Variants in RTEL1 observed in about 807,000 individuals in gnomAD.
RTEL1 encodes the protein regulator of telomere elongation helicase 1.
RTEL1 carries 86 observed loss-of-function variants against 162.2 expected under a neutral mutation model. The ratio of observed to expected loss-of-function variants is 0.53; its 90% CI spans 0.45 to 0.63. The LOEUF is 0.63. Among genes scored for constraint, RTEL1 ranks in the 30% least tolerant of loss-of-function variants. The probability of loss-of-function intolerance (pLI) is 0.00; values close to 1 mark genes in which losing one functional copy is unlikely to be tolerated. For synonymous variants in RTEL1, 958 were observed against 717.9 expected (o/e 1.33, Z -5.35); for missense variants, 1,941 against 1,750.2 (o/e 1.11, Z -1.95).
rs1277968500 is a variant in RTEL1 at position 63,661,278 on chromosome 20, T to C, written c.103-20T>C. On this transcript the variant is annotated intron_variant, in intron 2 of 34. Transcript: ENST00000360203. This position sits in a 1 kb window ranked among gnomAD's most constrained non-coding sequence, Gnocchi z 5.1. ...CCTCTTCCTGGCTTCCCCGTAACCC[T>C]TGCTCCGAACTCCGTTCAGAAGGTG... 2.5e-6 allele frequency: 4 copies of C among 1,608,864 alleles called. No homozygotes were observed.
chr20:63,679,354 CAG>C (rs1285259131), intron 12 of RTEL1, among the ~76,000 whole-genome samples: 9 of 152,190 alleles, frequency 5.9e-5, no homozygotes, highest in African/African-American at 2.2e-4. Context: ...CCTGCACCCT[CAG>C]GGTCCCCTCC....
Position 63,696,179 on chromosome 20 carries a change from C to A in RTEL1, c.*321C>A. Reference sequence around the variant, plus strand: ...GCCCCTCACCGGGAAGGAGGAGACCCCCGTGGGCACGTGTCCACTTTTAAT... The same window carrying A: ...GCCCCTCACCGGGAAGGAGGAGACCACCGTGGGCACGTGTCCACTTTTAAT... On this transcript the variant is annotated 3_prime_UTR_variant, in exon 35 of 35. Coordinates refer to ENST00000360203, the MANE Select transcript of RTEL1 (RefSeq NM_001283009.2). 1 of 452,766 alleles carries A rather than the reference C, an allele frequency of 2.2e-6. No individual in the cohort carries two copies. The highest frequency in any genetic ancestry group is 4.0e-6 in the Non-Finnish European group (1 of 252,640). The allele number at this position is 452,766 out of a possible 1,614,324, so 28.0% of individuals were successfully genotyped here.
In RTEL1 at chr20:63,692,915, C is replaced by G; in HGVS notation, c.2763C>G (p.Asp921Glu). The change falls in exon 29 of 35, where the codon GAC becomes GAG. Residue 921 changes from aspartate (D) to glutamate (E), a missense_variant. Transcript: ENST00000360203. Reference sequence around the variant, plus strand: ...CCACCTTCACCCAGGCCCTGCAGGACTACAAGGGTTCCGATGACTTCGCCG... The same window carrying G: ...CCACCTTCACCCAGGCCCTGCAGGAGTACAAGGGTTCCGATGACTTCGCCG... ...NFATFTQALQ[D>E]YKGSDDFAAL... The G allele has an allele frequency of 6.2e-7, 1 of 1,612,686 alleles. No homozygotes were observed. The highest frequency in any genetic ancestry group is 8.5e-7 in the Non-Finnish European group (1 of 1,179,870).
intron 30 of RTEL1, 26 bp from the exon 31 acceptor site, chr20:63,694,346 T>C: frequency 8.2e-7 from 1 of 1,225,856 alleles, no homozygotes; most frequent in Non-Finnish European, 1.1e-6. Flanking sequence ...CTCGACCAGC[T>C]TTGTGGCTCT....
chr20:63,672,735 A>G, intron 9 of RTEL1, 114 bp downstream of exon 9: 1 of 853,542 alleles, frequency 1.2e-6, no homozygotes, highest in Non-Finnish European at 1.9e-6. Context: ...CTAGGTGCCC[A>G]GGACTGGGGA....
rs1568711243 is a variant in RTEL1, at chr20:63,689,789, A to G, written c.2065A>G (p.Arg689Gly). ...GGAGTGGTACCGGCAGCAGGCGTCCAGGGCTGTGAACCAGGCCATCGGGCG... is the reference window on the plus strand; with the variant it reads ...GGAGTGGTACCGGCAGCAGGCGTCCGGGGCTGTGAACCAGGCCATCGGGCG... ...GQEWYRQQAS[R>G]AVNQAIGRVI... The change falls in exon 24 of 35, where the codon AGG becomes GGG. Residue 689 changes from arginine to glycine, a missense_variant. By Grantham distance (125) the Arg-to-Gly change is moderately radical (BLOSUM62 -2). Coordinates refer to ENST00000360203, the MANE Select transcript of RTEL1 (RefSeq NM_001283009.2). 6.2e-7 allele frequency: 1 copy of G among 1,612,208 alleles called. No homozygotes were observed. Among genetic ancestry groups the G allele is most frequent in the Non-Finnish European group, 8.5e-7 (1 of 1,179,766 alleles).
At chr20:63,689,244 C>A in intron 22 of RTEL1, 112 bp downstream of exon 22, 1 of 1,089,694 alleles carries the variant, frequency 9.2e-7, no homozygotes, top group Non-Finnish European at 1.3e-6. Context: ...CTCCTTGGGT[C>A]CCACGAGAGC....
chr20:63,691,041 C>G, intron 27 of RTEL1, 94 bp downstream of exon 27: 1 of 1,305,014 alleles, frequency 7.7e-7, no homozygotes, highest in East Asian at 2.7e-5. Flanking sequence ...TCCCCACACA[C>G]CCCTGTAAAT....
Position 63,668,285 on chromosome 20 carries a change from C to T in RTEL1, c.699+732C>T, listed in dbSNP as rs2090180302. Among the ~76,000 whole-genome samples the T allele has an allele frequency of 6.6e-6, 1 of 152,120 alleles. No individual in the cohort carries two copies. Among genetic ancestry groups the T allele is most frequent in the African/African-American group, 2.4e-5 (1 of 41,420 alleles). ...GGTTTGTGTGTTCACGTGACGATGG[C>T]GTGGTGACGTTTCCAGATCCCGTCG... is the stretch of plus-strand genomic sequence containing the variant. On this transcript the variant is annotated intron_variant, in intron 8 of 34. Transcript: ENST00000360203. The surrounding 1 kb of genome is among the most constrained non-coding windows in gnomAD (Gnocchi z 4.3).
intron 30 of RTEL1, 101 bp downstream of exon 30, chr20:63,693,384 G>C: frequency 2.1e-6 from 3 of 1,431,348 alleles, no homozygotes; most frequent in Admixed American, 3.7e-5. Context: ...GCCCTGCTTG[G>C]CCCCGCCTCT....
chr20:63,692,868 G>A lies in RTEL1; in HGVS notation c.2716G>A (p.Glu906Lys), dbSNP rs1308418295. ...AKLFMVAVKQ[E>K]LSQANFATFT... is the part of the protein sequence containing the mutation. The stretch of plus-strand genomic sequence containing the variant: ...GCTCTTCATGGTGGCCGTGAAGCAG[G>A]AGTTGAGCCAAGCCAACTTTGCCAC... The change falls in exon 29 of 35, where the codon GAG (glutamate) becomes AAG (lysine). Residue 906 changes from glutamate (E) to lysine (K), a missense_variant. Coordinates refer to ENST00000360203, the MANE Select transcript of RTEL1 (RefSeq NM_001283009.2). 3 of 1,612,534 alleles carry A rather than the reference G, an allele frequency of 1.9e-6. No homozygotes were observed. Among genetic ancestry groups the A allele is most frequent in the East Asian group, 4.5e-5 (2 of 44,894 alleles).
Position 63,694,497 on chromosome 20 carries a change from C to T in RTEL1, c.3109+9C>T, listed in dbSNP as rs376840588. ...CAGGCCACCCCCAACAGGTAGCTGACTCCTGAACCGTGTGCAGCCTACGAC... is the reference window on the plus strand; with the variant it reads ...CAGGCCACCCCCAACAGGTAGCTGATTCCTGAACCGTGTGCAGCCTACGAC... On this transcript the variant is annotated intron_variant, in intron 31 of 34. Coordinates refer to ENST00000360203, the MANE Select transcript of RTEL1 (RefSeq NM_001283009.2). 23 of 1,580,418 alleles carry T rather than the reference C, an allele frequency of 1.5e-5. No homozygotes were observed. Among genetic ancestry groups the T allele is most frequent in the African/African-American group, 4.0e-5 (3 of 74,306 alleles).
At chr20:63,690,557 T>G (rs2090712677) in intron 26 of RTEL1, 116 bp downstream of exon 26, 1 of 1,315,746 alleles carries the variant, frequency 7.6e-7, no homozygotes, top group African/African-American at 1.5e-5. Flanking sequence ...GCGCTTCCCC[T>G]CCCACCTCCA....
chr20:63,673,477 C>T (rs28557323), intron 9 of RTEL1, among the ~76,000 whole-genome samples: 20,410 of 152,118 alleles, frequency 0.13, 1,617 homozygotes, highest in Admixed American at 0.22. Flanking sequence ...CTCCTTCTGT[C>T]GTCCAGGCTG....
chr20:63,682,995 G>A (rs1488230788), intron 14 of RTEL1, among the ~76,000 whole-genome samples: 1 of 152,120 alleles, frequency 6.6e-6, no homozygotes, highest in South Asian at 2.1e-4. Flanking sequence ...AAAGGGTCTC[G>A]CTTTGTCACC....
At position 63,681,407 on chromosome 20, in the gene RTEL1, G is replaced by A. The variant is rs1394406825; in HGVS notation, c.1191+688G>A. 3.0e-6 allele frequency: 3 copies of A among 985,340 alleles called. No homozygotes were observed. The East Asian group carries it at 3.4e-4, about 112-fold the overall frequency. 61.0% of individuals were successfully genotyped at this position (985,340 alleles called of 1,614,324 possible). A position where few individuals can be genotyped will look rare whatever the true frequency, so the allele number is the denominator to read the frequency against. On this transcript the variant is annotated intron_variant, in intron 14 of 34. Coordinates refer to ENST00000360203, the MANE Select transcript of RTEL1 (RefSeq NM_001283009.2). ...AGAAGTCCCTGACTGGGGAAGCCAA[G>A]GCACAGGTGGCTGTGTGGAGCCCTG...
rs201706459 is a variant in RTEL1, at chr20:63,662,892, A to G, written c.538+3A>G. 482 of 1,613,766 alleles carry G rather than the reference A, an allele frequency of 3.0e-4. No individual in the cohort carries two copies. Among genetic ancestry groups the G allele is most frequent in the Non-Finnish European group, 3.9e-4 (465 of 1,179,902 alleles). ...TCATTTCTACAACAACGTAGAAGGT[A>G]CAAGCAGCTGGGTGGGACCAGGGTC... On this transcript the variant is annotated splice_donor_region_variant and intron_variant, in intron 6 of 34. Coordinates refer to ENST00000360203, the MANE Select transcript of RTEL1 (RefSeq NM_001283009.2).
Position 63,687,672 on chromosome 20 carries a change from C to A in RTEL1, c.1383C>A (p.Gly461=). ...KVLSYWCFSP[G]HSMHELVRQG... ...TGAGCTACTGGTGCTTCAGTCCCGG[C>A]CACAGCATGCACGAGCTGGTCCGCC... is the stretch of plus-strand genomic sequence containing the variant. Residue 461 remains glycine (G), a synonymous_variant, in exon 17 of 35, where the codon GGC becomes GGA. Coordinates refer to ENST00000360203, the MANE Select transcript of RTEL1 (RefSeq NM_001283009.2). 6.2e-7 allele frequency: 1 copy of A among 1,609,576 alleles called. No homozygotes were observed. Among genetic ancestry groups the A allele is most frequent in the Non-Finnish European group, 8.5e-7 (1 of 1,179,504 alleles).
rs1321816687 is a variant in RTEL1 at position 63,662,633 on chromosome 20, C to T, written c.477+6C>T. Reference sequence around the variant, plus strand: ...AAGAGAGTAACCATCTACAGGTAGGCTCCTGGGCTCCCGCTCCGGCTCAGT... The same window carrying T: ...AAGAGAGTAACCATCTACAGGTAGGTTCCTGGGCTCCCGCTCCGGCTCAGT... On this transcript the variant is annotated splice_donor_region_variant and intron_variant, in intron 5 of 34. Coordinates refer to ENST00000360203, the MANE Select transcript of RTEL1 (RefSeq NM_001283009.2). 1.9e-6 allele frequency: 3 copies of T among 1,613,758 alleles called. No homozygotes were observed. The highest frequency in any genetic ancestry group is 1.1e-5 in the South Asian group (1 of 91,066).
Sources: gnomAD v4.1 joint callset for allele counts (sites outside exome capture counted in the v4.1 genomes callset) on GRCh38, gnomAD v4.1.1 for gene constraint, Gnocchi (gnomAD v3.1) non-coding constraint, MANE v1.5 for transcripts, NCBI Gene and HGNC (gene_info 2026-07-23, HGNC 2026-07-21) for gene names.